The following GLIS3 variants were observed in gnomAD, a reference collection of about 807,000 sequenced individuals.
The protein encoded by GLIS3 is GLIS family zinc finger 3.
A neutral mutation model predicts 78.6 loss-of-function variants in GLIS3; 53 were observed. The ratio of observed to expected loss-of-function variants is 0.67; its 90% CI spans 0.54 to 0.85. The LOEUF (loss-of-function observed/expected upper bound fraction) is 0.85. Among genes scored for constraint, GLIS3 ranks in the 40% least tolerant of loss-of-function variants. GLIS3 has a pLI of 0.00. For missense variants in GLIS3, 1,703 were observed against 1,231.1 expected, an observed-to-expected ratio of 1.38 and a Z score of -5.74; for synonymous variants, 684 against 509.9, an observed-to-expected ratio of 1.34 and a Z score of -4.60.
the GLIS3 span, among the ~76,000 whole-genome samples, chr9:4,379,465 GACA>G: frequency 9.8e-5 from 15 of 152,352 alleles, no homozygotes; most frequent in Non-Finnish European, 2.2e-4. Context: ...TTGGAAGATT[GACA>G]ACATTAGTCC....
intron 2 of GLIS3, among the ~76,000 whole-genome samples, chr9:4,185,736 T>C (rs1322372146): frequency 6.6e-6 from 1 of 152,168 alleles, no homozygotes; most frequent in East Asian, 1.9e-4. Context: ...TAGGACCATG[T>C]TCAGCACAAG....
At chr9:3,968,849 T>C (rs1818158539) in intron 4 of GLIS3, among the ~76,000 whole-genome samples, 1 of 152,188 alleles carries the variant, frequency 6.6e-6, no homozygotes, top group African/African-American at 2.4e-5. Flanking sequence ...TTTGGTACAT[T>C]TAGGGAGTTA....
In GLIS3 at chr9:4,285,754, C is replaced by T. The variant is rs982748504; in HGVS notation, c.388+284G>A. 46 of 439,206 alleles carry T rather than the reference C, an allele frequency of 1.0e-4. No homozygotes were observed. In the Admixed American group the frequency reaches 1.2e-3, roughly 11 times the overall value. The allele number at this position is 439,206 out of a possible 1,614,324, so 27.2% of individuals were successfully genotyped here. A position where few individuals can be genotyped will look rare whatever the true frequency, so the allele number is the denominator to read the frequency against. Reference sequence around the variant, plus strand: ...TGCTAACCTAGCTCTTACCCTTCCACCACAACCACTCAGCCTGCCTCCCTA... The same window carrying T: ...TGCTAACCTAGCTCTTACCCTTCCATCACAACCACTCAGCCTGCCTCCCTA... On this transcript the variant is annotated intron_variant, in intron 2 of 10. Coordinates refer to ENST00000381971, the MANE Select transcript of GLIS3 (RefSeq NM_001042413.2).
At chr9:4,187,372 A>G (rs1328716219) in intron 2 of GLIS3, among the ~76,000 whole-genome samples, 6 of 152,206 alleles carry the variant, frequency 3.9e-5, no homozygotes, top group Non-Finnish European at 1.5e-5. Flanking sequence ...TTTTGGTACC[A>G]GTACCATGCT....
At chr9:4,458,308 T>C in the GLIS3 span, among the ~76,000 whole-genome samples, 6 of 152,134 alleles carry the variant, frequency 3.9e-5, no homozygotes, top group Non-Finnish European at 7.4e-5. Context: ...GGGGACACAG[T>C]AGTGACAAGG....
the GLIS3 span, among the ~76,000 whole-genome samples, chr9:4,408,588 G>A: frequency 3.4e-4 from 51 of 150,106 alleles, no homozygotes; most frequent in East Asian, 5.3e-3. Context: ...TTAGCCGGGC[G>A]CGGTGGCGGG....
At chr9:4,104,399 G>C (rs569626932) in intron 4 of GLIS3, among the ~76,000 whole-genome samples, 1 of 152,196 alleles carries the variant, frequency 6.6e-6, no homozygotes, top group East Asian at 1.9e-4. Flanking sequence ...AATCCAACCA[G>C]CTATCCCAAC....
chr9:4,196,117 G>C (rs1035871745), intron 2 of GLIS3, among the ~76,000 whole-genome samples: 1 of 152,162 alleles, frequency 6.6e-6, no homozygotes, highest in African/African-American at 2.4e-5. Context: ...GCACTAATCA[G>C]TGCTCTGTGT....
chr9:3,885,412 G>A lies in GLIS3; in HGVS notation c.2129-5817C>T, dbSNP rs550464201. Among the ~76,000 whole-genome samples the A allele has an allele frequency of 2.0e-5, 3 of 152,284 alleles. No individual in the cohort carries two copies. In the South Asian group the frequency reaches 6.2e-4, roughly 32 times the overall value. ...CATTCATGGTTGCATTATGGCCATG[G>A]TGCTGCTCCTCATGCAGGCTTGCTC... On this transcript the variant is annotated intron_variant, in intron 7 of 10. Coordinates refer to ENST00000381971, the MANE Select transcript of GLIS3 (RefSeq NM_001042413.2).
intron 4 of GLIS3, among the ~76,000 whole-genome samples, chr9:4,088,953 C>G (rs1203019722): frequency 6.6e-6 from 1 of 152,226 alleles, no homozygotes; most frequent in Non-Finnish European, 1.5e-5. Flanking sequence ...ATAGACAGCT[C>G]CTCAGATGGA....
intron 4 of GLIS3, among the ~76,000 whole-genome samples, chr9:4,086,118 T>A (rs1356145410): frequency 6.6e-6 from 1 of 152,186 alleles, no homozygotes; most frequent in Non-Finnish European, 1.5e-5. Context: ...CAATTTGACC[T>A]CAACCACCAG....
intron 4 of GLIS3, among the ~76,000 whole-genome samples, chr9:3,996,965 G>A (rs1201838462): frequency 6.6e-6 from 1 of 152,132 alleles, no homozygotes; most frequent in Non-Finnish European, 1.5e-5. Context: ...AACGCTTAAG[G>A]AGAAAAAATA....
chr9:4,475,292 G>C, the GLIS3 span, among the ~76,000 whole-genome samples: 1 of 152,160 alleles, frequency 6.6e-6, no homozygotes, highest in African/African-American at 2.4e-5. Flanking sequence ...GTAAGAAGAG[G>C]CTGAACAGAT....
chr9:4,022,098 G>C (rs1822933634), intron 4 of GLIS3, among the ~76,000 whole-genome samples: 1 of 152,028 alleles, frequency 6.6e-6, no homozygotes, highest in Non-Finnish European at 1.5e-5. Context: ...GACTTGCTAT[G>C]CCTAGGCATT....
chr9:4,234,649 T>A (rs1413692997), intron 2 of GLIS3, among the ~76,000 whole-genome samples: 1 of 152,168 alleles, frequency 6.6e-6, no homozygotes, highest in Non-Finnish European at 1.5e-5. Context: ...AGTGAGCACA[T>A]ACTGTTTGGA....
chr9:4,247,773 G>A (rs1410255348), intron 2 of GLIS3, among the ~76,000 whole-genome samples: 1 of 151,938 alleles, frequency 6.6e-6, no homozygotes, highest in African/African-American at 2.4e-5. Flanking sequence ...ATTAAGAGAA[G>A]TTTTCTCATA....
intron 4 of GLIS3, among the ~76,000 whole-genome samples, chr9:4,058,800 G>A (rs1449251062): frequency 9.2e-5 from 14 of 152,052 alleles, no homozygotes. Flanking sequence ...CTAACACAGT[G>A]AAACCCCATC....
chr9:3,996,499 T>A (rs1160126119), intron 4 of GLIS3, among the ~76,000 whole-genome samples: 1 of 152,214 alleles, frequency 6.6e-6, no homozygotes, highest in Non-Finnish European at 1.5e-5. Flanking sequence ...AACTTTACTT[T>A]CTGTTACATT....
intron 2 of GLIS3, among the ~76,000 whole-genome samples, chr9:4,159,780 G>A (rs1256589397): frequency 6.6e-6 from 1 of 152,038 alleles, no homozygotes; most frequent in Non-Finnish European, 1.5e-5. Context: ...CTTGGGGGTT[G>A]GCCCACATAG....
Sources: allele counts gnomAD v4.1 joint callset (sites outside exome capture counted in the v4.1 genomes callset), GRCh38; gene constraint gnomAD v4.1.1; transcripts MANE v1.5; gene names NCBI Gene and HGNC (gene_info 2026-07-23, HGNC 2026-07-21).